The following CLEC3A variants were observed in gnomAD, a reference collection of about 807,000 sequenced individuals.
CLEC3A encodes the protein C-type lectin domain family 3 member A.
Under a neutral mutation model 20.4 loss-of-function variants are expected in CLEC3A, and 28 were observed. The ratio of observed to expected loss-of-function variants is 1.37; its 90% CI spans 1.02 to 1.88. The LOEUF is 1.88. Among genes scored for constraint, CLEC3A ranks in the 40% most tolerant of loss-of-function variants. The pLI, the probability that CLEC3A is intolerant of heterozygous loss-of-function variation, is 0.00. For synonymous variants in CLEC3A, 110 were observed against 88.1 expected (o/e 1.25, Z -1.39); for missense variants, 357 against 240.4 (o/e 1.48, Z -3.21).
rs1232442201 is a variant in CLEC3A at position 78,030,849 on chromosome 16, T to G, written c.*8T>G. On this transcript the variant is annotated 3_prime_UTR_variant, in exon 3 of 3. Transcript: ENST00000299642. ...TTCACCATCCCTCAATAGGTCTTTC[T>G]CCAATGTGTCCTCCAAGCAAGATTC... is the stretch of plus-strand genomic sequence containing the variant. The G allele has an allele frequency of 6.3e-7, 1 of 1,597,674 alleles. No individual in the cohort carries two copies. The highest frequency in any genetic ancestry group is 8.5e-7 in the Non-Finnish European group (1 of 1,171,110).
At position 78,030,429 on chromosome 16, in the gene CLEC3A, C is replaced by T. The variant is rs1435654539; in HGVS notation, c.200-18C>T. 6.4e-7 allele frequency: 1 copy of T among 1,570,058 alleles called. No homozygotes were observed. The highest frequency in any genetic ancestry group is 8.6e-7 in the Non-Finnish European group (1 of 1,157,630). On this transcript the variant is annotated intron_variant, in intron 2 of 2. Transcript: ENST00000299642. ...ACTCAAAATGCATCTTAATATGTTA[C>T]ACTTCACATCTTCACAGTCTGTCTC... is the stretch of plus-strand genomic sequence containing the variant.
At chr16:78,025,954 T>C (rs1251938662) in intron 1 of CLEC3A, among the ~76,000 whole-genome samples, 2 of 152,162 alleles carry the variant, frequency 1.3e-5, no homozygotes, top group East Asian at 1.9e-4. Flanking sequence ...AGCAGGAAGC[T>C]GAGAGGGATG....
At chr16:78,029,889 C>A (rs937119814) in intron 2 of CLEC3A, among the ~76,000 whole-genome samples, 1 of 152,104 alleles carries the variant, frequency 6.6e-6, no homozygotes, top group Non-Finnish European at 1.5e-5. Flanking sequence ...CGCAGTGGCT[C>A]ACGCCTGTAA....
intron 1 of CLEC3A, among the ~76,000 whole-genome samples, chr16:78,026,082 T>C (rs1019090597): frequency 6.6e-6 from 1 of 152,186 alleles, no homozygotes; most frequent in African/African-American, 2.4e-5. Flanking sequence ...CTTACATTTT[T>C]TCTGGATTAA....
chr16:78,030,531 G>T lies in CLEC3A; in HGVS notation c.284G>T (p.Cys95Phe). The T allele has an allele frequency of 6.2e-7, 1 of 1,614,168 alleles. No homozygotes were observed. The highest frequency in any genetic ancestry group is 8.5e-7 in the Non-Finnish European group (1 of 1,180,040). ...LKHFHEANED[C>F]ISKGGILVIP... ...CATTTCCATGAGGCCAATGAAGACT[G>T]CATTTCCAAAGGAGGAATCCTGGTT... Residue 95 changes from cysteine (C) to phenylalanine (F), a missense_variant, in exon 3 of 3, where the codon TGC (cysteine) becomes TTC (phenylalanine). Cys to Phe is a radical substitution (Grantham distance 205). Coordinates refer to ENST00000299642, the MANE Select transcript of CLEC3A (RefSeq NM_005752.6).
At chr16:78,024,775 C>T (rs944951328) in intron 1 of CLEC3A, among the ~76,000 whole-genome samples, 10 of 152,122 alleles carry the variant, frequency 6.6e-5, no homozygotes, top group Admixed American at 2.0e-4. Context: ...CAAAATTATC[C>T]ACTATTAACT....
chr16:78,023,192 G>C (rs1209301980), intron 1 of CLEC3A, among the ~76,000 whole-genome samples: 1 of 152,210 alleles, frequency 6.6e-6, no homozygotes, highest in East Asian at 1.9e-4. Context: ...GCAGAGGATA[G>C]AGATTTTGGT....
chr16:78,030,307 C>T (rs2030053994), intron 2 of CLEC3A, 140 bp from the exon 3 acceptor site: 7 of 753,828 alleles, frequency 9.3e-6, no homozygotes, highest in Middle Eastern at 3.3e-4. Flanking sequence ...GCATGTTGTC[C>T]GGCACATAGA....
chr16:78,030,421 A>G (rs1567544806), intron 2 of CLEC3A, 26 bp from the exon 3 acceptor site: 3 of 1,558,414 alleles, frequency 1.9e-6, no homozygotes, highest in Non-Finnish European at 2.6e-6. Context: ...ATGCATCTTA[A>G]TATGTTACAC....
intron 2 of CLEC3A, among the ~76,000 whole-genome samples, chr16:78,029,513 C>G (rs953664942): frequency 6.6e-6 from 1 of 151,962 alleles, no homozygotes; most frequent in African/African-American, 2.4e-5. Flanking sequence ...GGATTATAGG[C>G]ACACACCACC....
rs771426394 is a variant in CLEC3A, at chr16:78,030,853, A to T, written c.*12A>T. On this transcript the variant is annotated 3_prime_UTR_variant, in exon 3 of 3. Coordinates refer to ENST00000299642, the MANE Select transcript of CLEC3A (RefSeq NM_005752.6). Reference sequence around the variant, plus strand: ...CCATCCCTCAATAGGTCTTTCTCCAATGTGTCCTCCAAGCAAGATTCATCA... The same window carrying T: ...CCATCCCTCAATAGGTCTTTCTCCATTGTGTCCTCCAAGCAAGATTCATCA... 2 of 1,596,354 alleles carry T rather than the reference A, an allele frequency of 1.3e-6. No homozygotes were observed.
At chr16:78,030,152 C>CAAAAAAAAAAAAAAA (rs56784347) in intron 2 of CLEC3A, among the ~76,000 whole-genome samples, 1 of 100,312 alleles carries the variant, frequency 1.0e-5, no homozygotes, top group Non-Finnish European at 1.8e-5. Context: ...GACTCCAACT[C>CAAAAAAAAAAAAAAA]AAAAAAAAAA....
intron 1 of CLEC3A, among the ~76,000 whole-genome samples, chr16:78,023,231 T>A (rs1398722979): frequency 1.3e-5 from 2 of 152,228 alleles, no homozygotes; most frequent in African/African-American, 4.8e-5. Context: ...TGTCATTAGT[T>A]ATCATTAGCT....
In CLEC3A at chr16:78,031,203, G is replaced by C. The variant is rs951650927; in HGVS notation, c.*362G>C. 1 of 178,238 alleles carries C rather than the reference G, an allele frequency of 5.6e-6. No individual in the cohort carries two copies. Among genetic ancestry groups the C allele is most frequent in the Non-Finnish European group, 1.2e-5 (1 of 85,568 alleles). The allele number at this position is 178,238 out of a possible 1,614,324, so 11.0% of individuals were successfully genotyped here. A position where few individuals can be genotyped will look rare whatever the true frequency, so the allele number is the denominator to read the frequency against. On this transcript the variant is annotated 3_prime_UTR_variant, in exon 3 of 3. Coordinates refer to ENST00000299642, the MANE Select transcript of CLEC3A (RefSeq NM_005752.6). The stretch of plus-strand genomic sequence containing the variant: ...AAAAGCAAGCTTAGGCTACCTGAAA[G>C]ATTTTCCCTTGGAAGTTTAGCGTAT...
chr16:78,029,468 G>A (rs374211025), intron 2 of CLEC3A, among the ~76,000 whole-genome samples: 6 of 151,894 alleles, frequency 4.0e-5, no homozygotes, highest in East Asian at 1.9e-4. Context: ...TCCCAGGTTC[G>A]CACGATTCTC....
At chr16:78,024,781 TA>T (rs2018791994) in intron 1 of CLEC3A, among the ~76,000 whole-genome samples, 1 of 152,198 alleles carries the variant, frequency 6.6e-6, no homozygotes, top group South Asian at 2.1e-4. Context: ...TATCCACTAT[TA>T]ACTATCAGGT....
chr16:78,022,968 T>G (rs911479482), intron 1 of CLEC3A, among the ~76,000 whole-genome samples: 1 of 151,832 alleles, frequency 6.6e-6, no homozygotes, highest in Admixed American at 6.6e-5. Flanking sequence ...AGGGAAAAAA[T>G]TTGATAGTAA....
At chr16:78,023,068 T>C (rs1278675221) in intron 1 of CLEC3A, among the ~76,000 whole-genome samples, 1 of 152,206 alleles carries the variant, frequency 6.6e-6, no homozygotes, top group Non-Finnish European at 1.5e-5. Context: ...AAATCTGGTG[T>C]TATTAATATG....
chr16:78,029,197 G>C (rs1434163479), intron 2 of CLEC3A: 1 of 451,154 alleles, frequency 2.2e-6, no homozygotes, highest in Non-Finnish European at 4.4e-6. Flanking sequence ...TCAGAGATGA[G>C]ACCTAAACCC....
Sources: allele counts gnomAD v4.1 joint callset (sites outside exome capture counted in the v4.1 genomes callset), GRCh38; gene constraint gnomAD v4.1.1; transcripts MANE v1.5; gene names NCBI Gene and HGNC (gene_info 2026-07-23, HGNC 2026-07-21).